The following UBR1 variants were observed in gnomAD, a reference collection of about 807,000 sequenced individuals.
UBR1 encodes ubiquitin protein ligase E3 component n-recognin 1.
Under a neutral mutation model 242.1 loss-of-function variants are expected in UBR1, and 102 were observed. The observed-to-expected ratio is 0.42, with a 90% CI of 0.36 to 0.50. UBR1 has a LOEUF of 0.50. Ranked by LOEUF, UBR1 falls within the 20% of genes least tolerant of loss-of-function variation. The probability of loss-of-function intolerance (pLI) is 0.01; values close to 1 mark genes in which losing one functional copy is unlikely to be tolerated. For synonymous variants in UBR1, 675 were observed against 684.8 expected, an observed-to-expected ratio of 0.99 and a Z score of 0.22; for missense variants, 1,772 against 2,101.8, an observed-to-expected ratio of 0.84 and a Z score of 3.07.
intron 1 of UBR1, among the ~76,000 whole-genome samples, chr15:43,086,740 G>A (rs1384773535): frequency 6.6e-6 from 1 of 152,234 alleles, no homozygotes; most frequent in Non-Finnish European, 1.5e-5. Flanking sequence ...TGGCTTATTT[G>A]CATGTGAAAA....
At chr15:43,075,223 G>C in intron 3 of UBR1, 134 bp from the exon 4 acceptor site, 1 of 807,084 alleles carries the variant, frequency 1.2e-6, no homozygotes. Context: ...TTAACTGGAT[G>C]TAACAAAAAC....
intron 13 of UBR1, 35 bp from the exon 14 acceptor site, chr15:43,047,324 G>A (rs2033498550): frequency 1.9e-6 from 3 of 1,613,662 alleles, no homozygotes; most frequent in African/African-American, 1.3e-5. Context: ...ACACCTATCT[G>A]AGCCCTCTCT....
At chr15:43,036,122 G>C in intron 19 of UBR1, 56 bp downstream of exon 19, 3 of 1,402,610 alleles carry the variant, frequency 2.1e-6, no homozygotes, top group Non-Finnish European at 3.0e-6. Context: ...AAATATGACT[G>C]AAATAGTAAC....
intron 32 of UBR1, among the ~76,000 whole-genome samples, chr15:42,999,163 T>A (rs1334589927): frequency 1.3e-5 from 2 of 152,088 alleles, no homozygotes; most frequent in Non-Finnish European, 2.9e-5. Flanking sequence ...CTGGTCTCGA[T>A]CTCTTGACCT....
At position 43,047,211 on chromosome 15, in the gene UBR1, T is replaced by C. The variant is rs1455493956; in HGVS notation, c.1618A>G (p.Met540Val). The C allele has an allele frequency of 3.7e-6, 6 of 1,614,176 alleles. No homozygotes were observed. Among genetic ancestry groups the C allele is most frequent in the Non-Finnish European group, 5.1e-6 (6 of 1,180,026 alleles). Residue 540 changes from methionine (M) to valine (V), a missense_variant, in exon 14 of 47, where the codon ATG becomes GTG. Physicochemically the swap from Met to Val is conservative, Grantham distance 21 (BLOSUM62 1). This residue lies in a region of UBR1 where 734 missense variants were observed against 893.3 expected (regional missense o/e 0.82). Transcript: ENST00000290650. ...ATGAGTAAAATATTCTTCAATTGCA[T>C]CTGTATAGCAATGGCAGCCTCCCAA... Reference protein sequence around the residue: ...PDWEAAIAIQMQLKNILLMFQ... With the variant: ...PDWEAAIAIQVQLKNILLMFQ...
intron 10 of UBR1, among the ~76,000 whole-genome samples, chr15:43,057,280 G>T: frequency 6.6e-6 from 1 of 152,164 alleles, no homozygotes; most frequent in Middle Eastern, 3.2e-3. Flanking sequence ...TTACTTTTAA[G>T]TCTGCATATA....
At chr15:42,996,514 T>C (rs2032641101) in intron 33 of UBR1, among the ~76,000 whole-genome samples, 1 of 152,084 alleles carries the variant, frequency 6.6e-6, no homozygotes, top group Admixed American at 6.6e-5. Flanking sequence ...GGAGGATCAC[T>C]TGTGCCCAGG....
chr15:42,991,111 C>A (rs2032551092), intron 33 of UBR1, among the ~76,000 whole-genome samples: 1 of 151,828 alleles, frequency 6.6e-6, no homozygotes, highest in Non-Finnish European at 1.5e-5. Flanking sequence ...CTCATCTCTA[C>A]TAAAAATACA....
intron 12 of UBR1, among the ~76,000 whole-genome samples, chr15:43,050,408 A>C (rs1169056083): frequency 2.0e-5 from 3 of 152,222 alleles, no homozygotes; most frequent in African/African-American, 7.2e-5. Context: ...ATTTACAAAA[A>C]AGAAAAAATG....
intron 27 of UBR1, among the ~76,000 whole-genome samples, chr15:43,020,057 T>C (rs2033087596): frequency 6.6e-6 from 1 of 151,970 alleles, no homozygotes; most frequent in Non-Finnish European, 1.5e-5. Context: ...TCCTTTTTTC[T>C]GAGACAGACT....
At chr15:43,032,498 T>C (rs1412963734) in intron 20 of UBR1, 70 bp downstream of exon 20, 21 of 1,040,454 alleles carry the variant, frequency 2.0e-5, no homozygotes, top group Middle Eastern at 2.9e-4. Context: ...TGATCAATTA[T>C]AGTTCATATA....
chr15:43,088,649 T>C (rs1232959118), intron 1 of UBR1, among the ~76,000 whole-genome samples: 2 of 151,948 alleles, frequency 1.3e-5, no homozygotes, highest in Non-Finnish European at 1.5e-5. Flanking sequence ...ATTTAATACA[T>C]GTGGAGGCAC....
At chr15:43,003,784 T>C in intron 31 of UBR1, 53 bp downstream of exon 31, 3 of 1,559,484 alleles carry the variant, frequency 1.9e-6, no homozygotes, top group Non-Finnish European at 2.7e-6. Context: ...TGGCCTTGAG[T>C]GAACTTCAAT....
intron 46 of UBR1, among the ~76,000 whole-genome samples, chr15:42,947,705 T>C (rs1165297148): frequency 2.6e-5 from 4 of 152,082 alleles, no homozygotes; most frequent in Non-Finnish European, 4.4e-5. Context: ...GAGAATAAAA[T>C]ACTTAGGAAT....
At chr15:43,064,158 TACC>T (rs910187901) in intron 6 of UBR1, among the ~76,000 whole-genome samples, 4 of 152,216 alleles carry the variant, frequency 2.6e-5, no homozygotes, top group Non-Finnish European at 5.9e-5. Context: ...TCATTTAGAG[TACC>T]ACATTTTAAG....
chr15:43,015,276 C>T (rs796894721), intron 29 of UBR1, among the ~76,000 whole-genome samples: 2 of 140,596 alleles, frequency 1.4e-5, no homozygotes, highest in African/African-American at 2.6e-5. Context: ...ACATGGGAGA[C>T]TTTTCATTTT....
chr15:43,062,956 C>T (rs1028796858), intron 6 of UBR1, among the ~76,000 whole-genome samples: 2 of 151,972 alleles, frequency 1.3e-5, no homozygotes, highest in Non-Finnish European at 2.9e-5. Context: ...TATCCTCATA[C>T]TATAGCTGAA....
chr15:42,983,818 G>A, intron 37 of UBR1, 79 bp downstream of exon 37: 1 of 914,080 alleles, frequency 1.1e-6, no homozygotes, highest in East Asian at 3.2e-5. Flanking sequence ...GTTTCCTAAT[G>A]AAATACACTG....
At chr15:43,105,888 G>T in intron 1 of UBR1, 54 bp downstream of exon 1, 3 of 1,547,060 alleles carry the variant, frequency 1.9e-6, no homozygotes, top group Non-Finnish European at 2.7e-6. Context: ...CCTCCTAAGC[G>T]CAGTAGGGAG....
Sources: gnomAD v4.1 joint callset for allele counts (sites outside exome capture counted in the v4.1 genomes callset) on GRCh38, gnomAD v4.1.1 for gene constraint, gnomAD v4.1.1 regional missense constraint, MANE v1.5 for transcripts, NCBI Gene and HGNC (gene_info 2026-07-23, HGNC 2026-07-21) for gene names.